SMYD3: variants seen among roughly 807,000 people sequenced by gnomAD.
The protein encoded by SMYD3 is SET and MYND domain containing 3, also known as histone-lysine N-methyltransferase SMYD3.
A neutral mutation model predicts 57.7 loss-of-function variants in SMYD3; 36 were observed. The observed-to-expected ratio is 0.62, with a 90% confidence interval of 0.48 to 0.82. The LOEUF is 0.82. Among genes scored for constraint, SMYD3 ranks in the 40% least tolerant of loss-of-function variants. The probability of loss-of-function intolerance (pLI) is 0.00; values close to 1 mark genes in which losing one functional copy is unlikely to be tolerated. For synonymous variants in SMYD3, 211 were observed against 195.0 expected (o/e 1.08, Z -0.68); for missense variants, 515 against 538.8 (o/e 0.96, Z 0.44).
chr1:245,923,292 AG>A (rs1037418783), intron 7 of SMYD3, among the ~76,000 whole-genome samples: 1 of 151,726 alleles, frequency 6.6e-6, no homozygotes, highest in Admixed American at 6.6e-5. Flanking sequence ...GTAAACATGC[AG>A]GAAAAAAAAA....
intron 1 of SMYD3, among the ~76,000 whole-genome samples, chr1:246,457,544 AAAAAG>A (rs1553351025): frequency 0.034 from 2,918 of 85,878 alleles, 57 homozygotes; most frequent in Middle Eastern, 0.048. Flanking sequence ...AAAAAAAAAA[AAAAAG>A]AAAAGAAAAG....
chr1:246,162,398 A>G (rs1340300904), intron 5 of SMYD3, among the ~76,000 whole-genome samples: 2 of 152,198 alleles, frequency 1.3e-5, no homozygotes, highest in African/African-American at 2.4e-5. Context: ...ATATAAATAA[A>G]TATTTCTGAA....
chr1:246,026,475 A>G (rs2059576291), intron 5 of SMYD3, among the ~76,000 whole-genome samples: 2 of 152,208 alleles, frequency 1.3e-5, no homozygotes, highest in Non-Finnish European at 2.9e-5. Context: ...TTTGTTGAAC[A>G]AGTCTATTAG....
In SMYD3 at chr1:246,477,413, T is replaced by A. The variant is rs61839817; in HGVS notation, c.164+29641A>T. 5.6e-3 allele frequency among the ~76,000 whole-genome samples: 850 copies of A among 152,344 alleles called. 3 individuals are homozygous for A. Among genetic ancestry groups the A allele is most frequent in the South Asian group, 9.3e-3 (45 of 4,824 alleles). On this transcript the variant is annotated intron_variant, in intron 1 of 11. Transcript: ENST00000490107. ...TCTTAACACGACTATATTCTAACAC[T>A]GTTTTTGAAAACCTAGAGAAACTAC...
chr1:245,893,068 G>A (rs1228237050), intron 8 of SMYD3, among the ~76,000 whole-genome samples: 2 of 152,176 alleles, frequency 1.3e-5, no homozygotes, highest in Non-Finnish European at 2.9e-5. Context: ...GATTTGAACA[G>A]ATATATCAAC....
chr1:246,174,447 T>G (rs2062398658), intron 5 of SMYD3, among the ~76,000 whole-genome samples: 1 of 152,138 alleles, frequency 6.6e-6, no homozygotes, highest in Non-Finnish European at 1.5e-5. Flanking sequence ...TTGGTTTTCT[T>G]GTTTGTTGTT....
At chr1:246,475,847 T>C (rs2068023940) in intron 1 of SMYD3, among the ~76,000 whole-genome samples, 1 of 152,134 alleles carries the variant, frequency 6.6e-6, no homozygotes, top group Non-Finnish European at 1.5e-5. Context: ...ACTCCTGAGC[T>C]CAAGCAATTC....
At chr1:246,290,827 T>C (rs1211342728) in intron 5 of SMYD3, among the ~76,000 whole-genome samples, 3 of 152,152 alleles carry the variant, frequency 2.0e-5, no homozygotes, top group African/African-American at 4.8e-5. Flanking sequence ...ACAATCTTAA[T>C]TTACCACACT....
At position 245,858,663 on chromosome 1, in the gene SMYD3, C is replaced by A; in HGVS notation, c.909G>T (p.Glu303Asp). ...TTGCCTGGCACATGGCCAGAACCTG[C>A]TCCCACTCTGTTATTAACCTTAGTT... is the stretch of plus-strand genomic sequence containing the variant. The part of the protein sequence containing the change: ...IEELKAHWKW[E>D]QVLAMCQAII... The change falls in exon 10 of 12, where the codon GAG (glutamate) becomes GAT (aspartate). Residue 303 changes from glutamate to aspartate, a missense_variant. Physicochemically the swap from Glu to Asp is conservative, Grantham distance 45. Coordinates refer to ENST00000490107, the MANE Select transcript of SMYD3 (RefSeq NM_001167740.2). 6.2e-7 allele frequency: 1 copy of A among 1,613,522 alleles called. No individual in the cohort carries two copies. Among genetic ancestry groups the A allele is most frequent in the Non-Finnish European group, 8.5e-7 (1 of 1,179,802 alleles).
chr1:246,437,608 A>G (rs1182141741), intron 1 of SMYD3, among the ~76,000 whole-genome samples: 1 of 152,232 alleles, frequency 6.6e-6, no homozygotes, highest in African/African-American at 2.4e-5. Context: ...TTCTGTACAC[A>G]ATTTTGTTTT....
chr1:246,181,050 T>G (rs2062543610), intron 5 of SMYD3, among the ~76,000 whole-genome samples: 2 of 152,156 alleles, frequency 1.3e-5, no homozygotes, highest in African/African-American at 4.8e-5. Flanking sequence ...ATTACTATCA[T>G]TCATCTCTCC....
At chr1:245,806,706 G>A (rs191090043) in intron 10 of SMYD3, among the ~76,000 whole-genome samples, 2 of 151,500 alleles carry the variant, frequency 1.3e-5, no homozygotes, top group East Asian at 3.9e-4. Flanking sequence ...GTCAGGAGAT[G>A]GAGACCATCC....
intron 5 of SMYD3, among the ~76,000 whole-genome samples, chr1:246,065,722 A>G (rs1271416924): frequency 6.6e-6 from 1 of 152,222 alleles, no homozygotes; most frequent in African/African-American, 2.4e-5. Context: ...AAATGTGAGA[A>G]TGTTCTCAAA....
chr1:246,447,930 C>T (rs1236273563), intron 1 of SMYD3, among the ~76,000 whole-genome samples: 1 of 152,230 alleles, frequency 6.6e-6, no homozygotes, highest in African/African-American at 2.4e-5. Context: ...TTGTTAACAA[C>T]TTTCCACGTC....
chr1:246,203,828 T>C lies in SMYD3; in HGVS notation c.531+123373A>G, dbSNP rs887841599. On this transcript the variant is annotated intron_variant, in intron 5 of 11. Transcript: ENST00000490107. The surrounding 1 kb of genome is among the most constrained non-coding windows in gnomAD (Gnocchi z 4.6). The stretch of plus-strand genomic sequence containing the variant: ...CCTCAGTCAATAACATCCTCAAATC[T>C]TTTTCATATTTAATGCACCAACAAC... 6.6e-6 allele frequency among the ~76,000 whole-genome samples: 1 copy of C among 152,144 alleles called. No homozygotes were observed. Among genetic ancestry groups the C allele is most frequent in the Non-Finnish European group, 1.5e-5 (1 of 68,022 alleles).
At chr1:246,311,410 A>C (rs2065074326) in intron 5 of SMYD3, among the ~76,000 whole-genome samples, 1 of 152,252 alleles carries the variant, frequency 6.6e-6, no homozygotes, top group African/African-American at 2.4e-5. Context: ...AATGATTAGC[A>C]AACTCATATA....
chr1:246,352,963 C>T (rs1181633081), intron 2 of SMYD3, among the ~76,000 whole-genome samples: 2 of 152,208 alleles, frequency 1.3e-5, no homozygotes, highest in Non-Finnish European at 2.9e-5. Flanking sequence ...TGTCGCTTCT[C>T]TATGTACTCT....
At chr1:246,151,260 A>G (rs1192361547) in intron 5 of SMYD3, among the ~76,000 whole-genome samples, 1 of 152,022 alleles carries the variant, frequency 6.6e-6, no homozygotes, top group East Asian at 1.9e-4. Flanking sequence ...AAAAAAAAAA[A>G]AATTCCTTGA....
chr1:246,328,545 G>A (rs1473141589), intron 4 of SMYD3, among the ~76,000 whole-genome samples: 2 of 152,002 alleles, frequency 1.3e-5, no homozygotes, highest in Non-Finnish European at 2.9e-5. Context: ...TTGAACTACA[G>A]CATAACTCTG....
Sources: allele counts gnomAD v4.1 joint callset (sites outside exome capture counted in the v4.1 genomes callset), GRCh38; gene constraint gnomAD v4.1.1; non-coding constraint Gnocchi (gnomAD v3.1); transcripts MANE v1.5; gene names NCBI Gene and HGNC (gene_info 2026-07-23, HGNC 2026-07-21).